The following DDX43 variants were observed in gnomAD, a reference collection of about 807,000 sequenced individuals.
DDX43 encodes the protein probable ATP-dependent RNA helicase DDX43.
In DDX43, 50 loss-of-function variants were observed where a neutral mutation model predicts 84.9. The observed-to-expected ratio is 0.59, with a 90% confidence interval of 0.47 to 0.75. The LOEUF is 0.75. Ranked by LOEUF, DDX43 falls within the 30% of genes least tolerant of loss-of-function variation. The pLI, the probability that DDX43 is intolerant of heterozygous loss-of-function variation, is 0.00. For synonymous variants in DDX43, 291 were observed against 266.3 expected (o/e 1.09, Z -0.90); for missense variants, 689 against 798.6 (o/e 0.86, Z 1.65).
chr6:73,401,208 A>T (rs979187523), intron 3 of DDX43, among the ~76,000 whole-genome samples: 96 of 152,194 alleles, frequency 6.3e-4, no homozygotes, highest in African/African-American at 2.0e-3. Context: ...TTGAGTCCTG[A>T]ATTCAAGCGA....
chr6:73,416,723 T>C (rs767113070), intron 16 of DDX43, among the ~76,000 whole-genome samples: 1 of 152,112 alleles, frequency 6.6e-6, no homozygotes, highest in Non-Finnish European at 1.5e-5. Context: ...AATTGTTTGG[T>C]AGAGAGTTTT....
chr6:73,404,853 A>T, intron 5 of DDX43, 82 bp downstream of exon 5: 1 of 1,065,228 alleles, frequency 9.4e-7, no homozygotes, highest in East Asian at 2.5e-5. Flanking sequence ...ATGTGAAATG[A>T]TATTTGAAGG....
intron 2 of DDX43, among the ~76,000 whole-genome samples, chr6:73,398,940 A>G (rs1769520520): frequency 6.6e-6 from 1 of 151,802 alleles, no homozygotes; most frequent in African/African-American, 2.4e-5. Flanking sequence ...TCAGAACAAT[A>G]ATTTTATTTT....
intron 9 of DDX43, 148 bp downstream of exon 9, chr6:73,408,249 A>G (rs1471979463): frequency 4.4e-6 from 3 of 684,262 alleles, no homozygotes; most frequent in Admixed American, 2.8e-5. Context: ...AACCTGACCA[A>G]TATGATGAAA....
At position 73,394,848 on chromosome 6, in the gene DDX43, C is replaced by T; in HGVS notation, c.-58C>T. On this transcript the variant is annotated 5_prime_UTR_variant, in exon 1 of 17. It adds an upstream start codon to the 5' untranslated region. Transcript: ENST00000370336. ...CTGGCACGCTACTCTTACGACGTCA[C>T]GGTCAGGTGGTGCAGAGCTGGACGG... 1 of 1,586,352 alleles carries T rather than the reference C, an allele frequency of 6.3e-7. No homozygotes were observed. Among genetic ancestry groups the T allele is most frequent in the South Asian group, 1.2e-5 (1 of 86,524 alleles).
intron 13 of DDX43, 136 bp from the exon 14 acceptor site, chr6:73,414,412 A>C: frequency 1.2e-6 from 1 of 841,556 alleles, no homozygotes; most frequent in South Asian, 1.9e-5. Flanking sequence ...TTACTTTTCC[A>C]TTTTCACAAA....
In DDX43 at chr6:73,411,217, ACTTGGTATTG is replaced by A. The variant is rs1475060881; in HGVS notation, c.1281-986_1281-977del. 2.0e-5 allele frequency among the ~76,000 whole-genome samples: 3 copies of A among 149,860 alleles called. No individual in the cohort carries two copies. The Admixed American group carries it at 2.0e-4, about 10-fold the overall frequency. ...AAAAAAAAATTTATTTGGCTTAAAT[ACTTGGTATTG>A]CCTGCTGACCCTATGAAAAATTGGA... On this transcript the variant is annotated intron_variant, in intron 10 of 16. Coordinates refer to ENST00000370336, the MANE Select transcript of DDX43 (RefSeq NM_018665.3).
Position 73,401,844 on chromosome 6 carries a change from A to G in DDX43, c.437-15A>G. 6.3e-7 allele frequency: 1 copy of G among 1,596,034 alleles called. No individual in the cohort carries two copies. The highest frequency in any genetic ancestry group is 8.5e-7 in the Non-Finnish European group (1 of 1,174,812). On this transcript the variant is annotated splice_polypyrimidine_tract_variant and intron_variant, in intron 3 of 16. Transcript: ENST00000370336. ...AAAATAGAAAAAAACTAATCGATAC[A>G]AATGTTTTTAACAGATACTGCATTC...
chr6:73,404,458 A>G (rs1353667267), intron 4 of DDX43, among the ~76,000 whole-genome samples: 1 of 152,142 alleles, frequency 6.6e-6, no homozygotes, highest in South Asian at 2.1e-4. Context: ...GGCTCAAGTG[A>G]TCCTCCCATG....
chr6:73,397,586 A>G, intron 1 of DDX43, 103 bp from the exon 2 acceptor site: 1 of 898,844 alleles, frequency 1.1e-6, no homozygotes, highest in Non-Finnish European at 1.8e-6. Flanking sequence ...CCCTAGGAGC[A>G]TTTGGGGGGA....
chr6:73,399,436 T>C (rs1393455752), intron 2 of DDX43, among the ~76,000 whole-genome samples: 1 of 152,156 alleles, frequency 6.6e-6, no homozygotes, highest in African/African-American at 2.4e-5. Context: ...GCTGCTACCA[T>C]AGCTTTTTCC....
rs754606901 is a variant in DDX43 at position 73,404,712 on chromosome 6, CTTT to C, written c.593_595del (p.Phe198del). The C allele has an allele frequency of 1.9e-6, 3 of 1,611,904 alleles. No individual in the cohort carries two copies. The African/African-American group carries it at 4.0e-5, about 22-fold the overall frequency. ...CAGATTTACCACCAATTAAGAAAAA[CTTT>C]TATAAAGAGTCCACTGCCACAAGTG... On this transcript the variant is annotated inframe_deletion, in exon 5 of 17. Transcript: ENST00000370336.
chr6:73,396,288 A>C (rs1250862770), intron 1 of DDX43, among the ~76,000 whole-genome samples: 1 of 152,176 alleles, frequency 6.6e-6, no homozygotes, highest in Non-Finnish European at 1.5e-5. Context: ...GATTAGAATG[A>C]TTACCCCATT....
chr6:73,396,221 A>G (rs1769468227), intron 1 of DDX43, among the ~76,000 whole-genome samples: 1 of 152,172 alleles, frequency 6.6e-6, no homozygotes, highest in Non-Finnish European at 1.5e-5. Context: ...CAAAGTGCTG[A>G]GATTACAGGC....
chr6:73,394,880 C>G lies in DDX43; in HGVS notation c.-26C>G, dbSNP rs766140355. Reference sequence around the variant, plus strand: ...GTGGTGCAGAGCTGGACGGCAACGACGTCGGACGCGCCCCTTCTTGGAACA... The same window carrying G: ...GTGGTGCAGAGCTGGACGGCAACGAGGTCGGACGCGCCCCTTCTTGGAACA... On this transcript the variant is annotated 5_prime_UTR_variant, in exon 1 of 17. Coordinates refer to ENST00000370336, the MANE Select transcript of DDX43 (RefSeq NM_018665.3). 6.2e-7 allele frequency: 1 copy of G among 1,611,290 alleles called. No individual in the cohort carries two copies. The highest frequency in any genetic ancestry group is 2.2e-5 in the East Asian group (1 of 44,852).
intron 4 of DDX43, among the ~76,000 whole-genome samples, chr6:73,404,408 A>G (rs1374148333): frequency 2.6e-5 from 4 of 152,092 alleles, no homozygotes; most frequent in Non-Finnish European, 5.9e-5. Context: ...GCTAATCTTT[A>G]AAAATTTTCC....
At chr6:73,409,161 T>C (rs1337937916) in intron 9 of DDX43, 87 bp from the exon 10 acceptor site, 1 of 991,390 alleles carries the variant, frequency 1.0e-6, no homozygotes, top group East Asian at 2.4e-5. Context: ...GAAAAGCCTT[T>C]CTTAGTGTTC....
In DDX43 at chr6:73,413,768, C is replaced by T. The variant is rs764247224; in HGVS notation, c.1479C>T (p.Phe493=). 11 of 1,612,608 alleles carry T rather than the reference C, an allele frequency of 6.8e-6. No individual in the cohort carries two copies. Among genetic ancestry groups the T allele is most frequent in the Non-Finnish European group, 7.6e-6 (9 of 1,179,626 alleles). The part of the protein sequence containing the change: ...SMSSTDKVIV[F]VSRKAVADHL... ...CATCCACAGACAAAGTCATTGTCTT[C>T]GTTTCTCGAAAAGCTGTGTAGGTAT... is the stretch of plus-strand genomic sequence containing the variant. Residue 493 remains phenylalanine (F), a synonymous_variant, in exon 12 of 17, where the codon TTC becomes TTT. Coordinates refer to ENST00000370336, the MANE Select transcript of DDX43 (RefSeq NM_018665.3).
intron 11 of DDX43, among the ~76,000 whole-genome samples, chr6:73,412,656 T>TGCGCGC (rs1554236128): frequency 4.6e-5 from 4 of 87,878 alleles, no homozygotes; most frequent in African/African-American, 1.6e-4. Context: ...TGTGTGTGTG[T>TGCGCGC]GTGTGTGTGT....
Sources: gnomAD v4.1 joint callset for allele counts (sites outside exome capture counted in the v4.1 genomes callset) on GRCh38, gnomAD v4.1.1 for gene constraint, MANE v1.5 for transcripts, NCBI Gene and HGNC (gene_info 2026-07-23, HGNC 2026-07-21) for gene names.